Variants in MARCHF1 observed in about 807,000 individuals in gnomAD.
MARCHF1 encodes E3 ubiquitin-protein ligase MARCHF1.
A neutral mutation model predicts 54.2 loss-of-function variants in MARCHF1; 40 were observed. The ratio of observed to expected loss-of-function variants is 0.74; its 90% CI spans 0.57 to 0.96. The LOEUF is 0.96. Among genes scored for constraint, MARCHF1 ranks in the 40% least tolerant of loss-of-function variants. MARCHF1 has a pLI of 0.00. For missense variants in MARCHF1, 586 were observed against 656.5 expected, an observed-to-expected ratio of 0.89 and a Z score of 1.17; for synonymous variants, 236 against 236.3, an observed-to-expected ratio of 1.00 and a Z score of 0.01.
chr4:164,044,657 C>T (rs1435128745), intron 2 of MARCHF1, among the ~76,000 whole-genome samples: 1 of 152,100 alleles, frequency 6.6e-6, no homozygotes, highest in Admixed American at 6.6e-5. Context: ...CTAAGAACCT[C>T]AGTACTTGCT....
chr4:164,253,342 C>T (rs1282441031), intron 1 of MARCHF1, among the ~76,000 whole-genome samples: 2 of 152,072 alleles, frequency 1.3e-5, no homozygotes, highest in Non-Finnish European at 2.9e-5. Context: ...GACTACTCAA[C>T]CTTTTTGAAG....
chr4:164,244,964 CA>C, intron 1 of MARCHF1, among the ~76,000 whole-genome samples: 1 of 152,194 alleles, frequency 6.6e-6, no homozygotes, highest in African/African-American at 2.4e-5. Flanking sequence ...TGGCAATAAT[CA>C]ATAGCTTACC....
At chr4:163,784,096 C>T (rs900152720) in intron 4 of MARCHF1, among the ~76,000 whole-genome samples, 10 of 150,960 alleles carry the variant, frequency 6.6e-5, no homozygotes, top group Admixed American at 6.6e-5. Flanking sequence ...TTATTAATTT[C>T]TGTTTTATGA....
intron 4 of MARCHF1, among the ~76,000 whole-genome samples, chr4:163,754,796 TGA>T (rs1746619394): frequency 6.6e-6 from 1 of 151,960 alleles, no homozygotes; most frequent in South Asian, 2.1e-4. Flanking sequence ...TCAAAAGCAT[TGA>T]GATTAGGTTT....
At chr4:163,813,798 T>A (rs1436421135) in intron 4 of MARCHF1, among the ~76,000 whole-genome samples, 1 of 152,008 alleles carries the variant, frequency 6.6e-6, no homozygotes, top group Non-Finnish European at 1.5e-5. Context: ...AGAAGCTGAG[T>A]GTTGGGAGAA....
chr4:164,191,174 G>A (rs1404026644), intron 1 of MARCHF1, among the ~76,000 whole-genome samples: 5 of 152,168 alleles, frequency 3.3e-5, no homozygotes, highest in East Asian at 1.9e-4. Flanking sequence ...ATTGAACGTC[G>A]ATGCAAAATT....
intron 4 of MARCHF1, among the ~76,000 whole-genome samples, chr4:163,765,557 C>T (rs1484177230): frequency 2.6e-5 from 4 of 151,970 alleles, no homozygotes; most frequent in African/African-American, 4.8e-5. Flanking sequence ...AATAAACATA[C>T]TTTGTTAGTA....
At chr4:164,049,974 T>C (rs1185845472) in intron 2 of MARCHF1, among the ~76,000 whole-genome samples, 1 of 152,094 alleles carries the variant, frequency 6.6e-6, no homozygotes, top group African/African-American at 2.4e-5. Flanking sequence ...TCAAGTTTGA[T>C]ATAAAAAATG....
intron 4 of MARCHF1, among the ~76,000 whole-genome samples, chr4:163,713,386 G>C (rs1006545297): frequency 6.6e-6 from 1 of 152,138 alleles, no homozygotes; most frequent in Non-Finnish European, 1.5e-5. Context: ...TATACCACTT[G>C]TGGTGCAATC....
chr4:163,983,258 T>C (rs1295026430), intron 3 of MARCHF1, among the ~76,000 whole-genome samples: 3 of 152,118 alleles, frequency 2.0e-5, no homozygotes, highest in Admixed American at 6.5e-5. Flanking sequence ...CTAGTTAAAA[T>C]GTACTTTTTT....
chr4:163,862,898 T>C (rs912105885), intron 3 of MARCHF1, among the ~76,000 whole-genome samples: 1 of 152,018 alleles, frequency 6.6e-6, no homozygotes, highest in Admixed American at 6.6e-5. Flanking sequence ...AAATTACCTA[T>C]CAAACCATAA....
At chr4:163,807,882 T>G (rs1043034711) in intron 4 of MARCHF1, among the ~76,000 whole-genome samples, 1 of 152,172 alleles carries the variant, frequency 6.6e-6, no homozygotes, top group Admixed American at 6.6e-5. Flanking sequence ...TTAATTACCT[T>G]TATTATAAAA....
intron 2 of MARCHF1, among the ~76,000 whole-genome samples, chr4:164,067,276 A>T (rs1754750376): frequency 6.6e-6 from 1 of 152,026 alleles, no homozygotes; most frequent in Admixed American, 6.5e-5. Flanking sequence ...AGGAGTCCAA[A>T]TAGCCAAAAT....
intron 2 of MARCHF1, among the ~76,000 whole-genome samples, chr4:164,058,664 C>T (rs1300746343): frequency 2.6e-5 from 4 of 152,156 alleles, no homozygotes; most frequent in East Asian, 3.9e-4. Flanking sequence ...CTAGGACAGG[C>T]GGGTTCTCAG....
At chr4:163,851,677 G>A (rs564978050) in intron 4 of MARCHF1, among the ~76,000 whole-genome samples, 1 of 152,316 alleles carries the variant, frequency 6.6e-6, no homozygotes, top group South Asian at 2.1e-4. Context: ...TGGGCTAGAT[G>A]CCCACTAATT....
intron 5 of MARCHF1, among the ~76,000 whole-genome samples, chr4:163,617,484 G>A (rs1362706033): frequency 6.6e-6 from 1 of 151,956 alleles, no homozygotes. Flanking sequence ...ATATCACTTG[G>A]TATCCCTAAT....
intron 1 of MARCHF1, among the ~76,000 whole-genome samples, chr4:164,329,048 G>T (rs1735357864): frequency 6.6e-6 from 1 of 152,082 alleles, no homozygotes; most frequent in African/African-American, 2.4e-5. Flanking sequence ...ATCCTTTAAT[G>T]ATTCCCTCAA....
chr4:164,194,624 C>T (rs925851412), intron 1 of MARCHF1, among the ~76,000 whole-genome samples: 2 of 152,008 alleles, frequency 1.3e-5, no homozygotes, highest in African/African-American at 4.8e-5. Context: ...AGCAGGATAG[C>T]ACTGACTAAT....
At chr4:164,284,133 G>C (rs930174414) in intron 1 of MARCHF1, among the ~76,000 whole-genome samples, 1 of 150,962 alleles carries the variant, frequency 6.6e-6, no homozygotes, top group South Asian at 2.1e-4. Context: ...AGATGCTAAG[G>C]TTCGCTATTC....
Sources: gnomAD v4.1 joint callset for allele counts (sites outside exome capture counted in the v4.1 genomes callset) on GRCh38, gnomAD v4.1.1 for gene constraint, MANE v1.5 for transcripts, NCBI Gene and HGNC (gene_info 2026-07-23, HGNC 2026-07-21) for gene names.